The following LHFPL6 variants were observed in gnomAD, a reference collection of about 807,000 sequenced individuals.
The protein encoded by LHFPL6 is LHFPL tetraspan subfamily member 6.
LHFPL6 carries 9 observed loss-of-function variants against 20.6 expected under a neutral mutation model. The ratio of observed to expected loss-of-function variants is 0.44; its 90% CI spans 0.26 to 0.76. The LOEUF (loss-of-function observed/expected upper bound fraction) is 0.76. Among genes scored for constraint, LHFPL6 ranks in the 30% least tolerant of loss-of-function variants. The pLI is 0.20. For missense variants in LHFPL6, 218 were observed against 253.5 expected, an observed-to-expected ratio of 0.86 and a Z score of 0.95; for synonymous variants, 105 against 98.7, an observed-to-expected ratio of 1.06 and a Z score of -0.38.
chr13:39,454,201 G>A (rs566264664), intron 2 of LHFPL6, among the ~76,000 whole-genome samples: 25 of 152,254 alleles, frequency 1.6e-4, no homozygotes, highest in African/African-American at 6.0e-4. Context: ...TATTTCTATA[G>A]GACAGGTTAA....
At chr13:39,420,905 T>C (rs1220220770) in intron 2 of LHFPL6, among the ~76,000 whole-genome samples, 1 of 152,172 alleles carries the variant, frequency 6.6e-6, no homozygotes, top group Non-Finnish European at 1.5e-5. Flanking sequence ...ACTTCCTTCA[T>C]ATAGTTCCGT....
chr13:39,578,915 G>T (rs1872198012), intron 2 of LHFPL6, among the ~76,000 whole-genome samples: 1 of 152,168 alleles, frequency 6.6e-6, no homozygotes, highest in South Asian at 2.1e-4. Context: ...ATAGGTTTGG[G>T]GTCTGTGAAG....
chr13:39,482,301 T>C (rs1344667161), intron 2 of LHFPL6, among the ~76,000 whole-genome samples: 5 of 152,074 alleles, frequency 3.3e-5, no homozygotes, highest in Non-Finnish European at 5.9e-5. Context: ...AAAACTGGCC[T>C]GGCATGGTGG....
intron 2 of LHFPL6, among the ~76,000 whole-genome samples, chr13:39,589,171 A>G (rs1372592611): frequency 2.0e-5 from 3 of 152,042 alleles, no homozygotes; most frequent in African/African-American, 4.8e-5. Context: ...CAGTGGCGCC[A>G]CCTCGGTTCA....
intron 2 of LHFPL6, among the ~76,000 whole-genome samples, chr13:39,435,055 T>A (rs1314392521): frequency 4.8e-5 from 4 of 84,088 alleles, no homozygotes; most frequent in Admixed American, 4.3e-4. Context: ...AGAGCGAGAC[T>A]CCGTCTCAAA....
At position 39,454,487 on chromosome 13, in the gene LHFPL6, G is replaced by C. The variant is rs1432142673; in HGVS notation, c.386-75961C>G. Among the ~76,000 whole-genome samples, 5 of 87,420 alleles carry C rather than the reference G, an allele frequency of 5.7e-5. 2 individuals are homozygous for C. The highest frequency in any genetic ancestry group is 1.0e-4 in the Non-Finnish European group (5 of 48,430). 57.4% of individuals were successfully genotyped at this position (87,420 alleles called of 152,430 possible). A position where few individuals can be genotyped will look rare whatever the true frequency, so the allele number is the denominator to read the frequency against. Reference sequence around the variant, plus strand: ...TACTAAAAATACAAAAAATTAGCCGGGCGTAGTGGCGGGCGCCTGTAGTCC... The same window carrying C: ...TACTAAAAATACAAAAAATTAGCCGCGCGTAGTGGCGGGCGCCTGTAGTCC... On this transcript the variant is annotated intron_variant, in intron 2 of 3. Coordinates refer to ENST00000379589, the MANE Select transcript of LHFPL6 (RefSeq NM_005780.3).
At chr13:39,520,480 A>C (rs1404437361) in intron 2 of LHFPL6, among the ~76,000 whole-genome samples, 1 of 152,144 alleles carries the variant, frequency 6.6e-6, no homozygotes, top group African/African-American at 2.4e-5. Context: ...GCAATTCATC[A>C]AGCAAGGCTT....
At chr13:39,423,931 C>A (rs941177767) in intron 2 of LHFPL6, among the ~76,000 whole-genome samples, 1 of 152,042 alleles carries the variant, frequency 6.6e-6, no homozygotes, top group African/African-American at 2.4e-5. Flanking sequence ...GAAATTCGAC[C>A]CAGTAAAACC....
At chr13:39,512,236 G>A (rs1869734536) in intron 2 of LHFPL6, among the ~76,000 whole-genome samples, 1 of 152,034 alleles carries the variant, frequency 6.6e-6, no homozygotes, top group Admixed American at 6.5e-5. Flanking sequence ...GCAGCTCTAT[G>A]TGAAACGTTT....
intron 2 of LHFPL6, among the ~76,000 whole-genome samples, chr13:39,473,499 A>AT (rs5802991): frequency 0.12 from 17,223 of 149,568 alleles, 1,894 homozygotes; most frequent in African/African-American, 0.28. Context: ...AGGATGTGGC[A>AT]TTTTTTTTTT....
chr13:39,563,164 G>A (rs1871600284), intron 2 of LHFPL6, among the ~76,000 whole-genome samples: 1 of 144,048 alleles, frequency 6.9e-6, no homozygotes, highest in Admixed American at 7.0e-5. Context: ...ATCCAGCAAA[G>A]CAACAATGTT....
At position 39,513,851 on chromosome 13, in the gene LHFPL6, G is replaced by A. The variant is rs146884668; in HGVS notation, c.385+86981C>T. Among the ~76,000 whole-genome samples, 31 of 152,248 alleles carry A rather than the reference G, an allele frequency of 2.0e-4. No homozygotes were observed. The East Asian group carries it at 5.4e-3, about 27-fold the overall frequency. On this transcript the variant is annotated intron_variant, in intron 2 of 3. Transcript: ENST00000379589. ...ATAATGTCTTTCTATTTATTAGTGT[G>A]TATAGTGTGATCCCTACCGTACTGG... is the stretch of plus-strand genomic sequence containing the variant.
intron 2 of LHFPL6, among the ~76,000 whole-genome samples, chr13:39,385,541 C>T (rs74044044): frequency 0.012 from 1,890 of 152,322 alleles, 40 homozygotes; most frequent in African/African-American, 0.042. Flanking sequence ...CCTACAGGAG[C>T]GTTCCTAGTA....
rs1178935556 is a variant in LHFPL6 at position 39,352,912 on chromosome 13, T to C, written c.485-8858A>G. Reference sequence around the variant, plus strand: ...ATATATGTGTATATATATATAAATGTATATATATATAAATGTATATATATG... The same window carrying C: ...ATATATGTGTATATATATATAAATGCATATATATATAAATGTATATATATG... On this transcript the variant is annotated intron_variant, in intron 3 of 3. Transcript: ENST00000379589. Among the ~76,000 whole-genome samples the C allele has an allele frequency of 7.3e-4, 43 of 58,834 alleles. 1 individual carries two copies. The highest frequency in any genetic ancestry group is 1.1e-3 in the African/African-American group (18 of 16,976). 38.6% of individuals were successfully genotyped at this position (58,834 alleles called of 152,430 possible). A position where few individuals can be genotyped will look rare whatever the true frequency, so the allele number is the denominator to read the frequency against.
At chr13:39,368,907 A>G (rs898087998) in intron 3 of LHFPL6, among the ~76,000 whole-genome samples, 26 of 152,194 alleles carry the variant, frequency 1.7e-4, no homozygotes, top group African/African-American at 5.8e-4. Flanking sequence ...CACTAATGAT[A>G]AAAAGGGGCT....
At chr13:39,468,179 A>G (rs950841538) in intron 2 of LHFPL6, among the ~76,000 whole-genome samples, 6 of 152,204 alleles carry the variant, frequency 3.9e-5, no homozygotes, top group Non-Finnish European at 8.8e-5. Flanking sequence ...TATTTTACAT[A>G]ATGTAAACCC....
rs1383463821 is a variant in LHFPL6 at position 39,400,258 on chromosome 13, T to A, written c.386-21732A>T. 2.0e-5 allele frequency among the ~76,000 whole-genome samples: 3 copies of A among 152,190 alleles called. No individual in the cohort carries two copies. In the East Asian group the frequency reaches 5.8e-4, roughly 29 times the overall value. The stretch of plus-strand genomic sequence containing the variant: ...GCAAATTGGTATTTGCTGTTGATAC[T>A]AACTTGGAAAAAACACTGACGTGAG... On this transcript the variant is annotated intron_variant, in intron 2 of 3. Transcript: ENST00000379589.
At chr13:39,362,205 G>A (rs550064166) in intron 3 of LHFPL6, among the ~76,000 whole-genome samples, 2 of 152,196 alleles carry the variant, frequency 1.3e-5, no homozygotes, top group Non-Finnish European at 2.9e-5. Flanking sequence ...GGTGGGCTTC[G>A]CCCTTGCTGT....
At chr13:39,591,994 G>A (rs915330743) in intron 2 of LHFPL6, among the ~76,000 whole-genome samples, 3 of 151,896 alleles carry the variant, frequency 2.0e-5, no homozygotes, top group Non-Finnish European at 4.4e-5. Flanking sequence ...TACTAAGGAG[G>A]CCAAGGCGGG....
Sources: gnomAD v4.1 joint callset for allele counts (sites outside exome capture counted in the v4.1 genomes callset) on GRCh38, gnomAD v4.1.1 for gene constraint, MANE v1.5 for transcripts, NCBI Gene and HGNC (gene_info 2026-07-23, HGNC 2026-07-21) for gene names.